MGMT: variants seen among roughly 807,000 people sequenced by gnomAD.
MGMT encodes methylated-DNA--protein-cysteine methyltransferase.
Under a neutral mutation model 15.9 loss-of-function variants are expected in MGMT, and 14 were observed. That is an observed-to-expected ratio of 0.88 (90% confidence interval 0.58 to 1.37). The LOEUF (loss-of-function observed/expected upper bound fraction) is 1.37, where lower values mean the gene tolerates loss of function less well. MGMT is among the 40% of genes most tolerant of loss of function. MGMT has a pLI of 0.00. For synonymous variants in MGMT, 130 were observed against 118.2 expected (o/e 1.10, Z -0.65); for missense variants, 282 against 268.1 (o/e 1.05, Z -0.36).
intron 3 of MGMT, among the ~76,000 whole-genome samples, chr10:129,725,730 C>T (rs570885073): frequency 7.9e-5 from 12 of 152,344 alleles, no homozygotes; most frequent in African/African-American, 2.9e-4. Flanking sequence ...CCTGTGCCCT[C>T]AAGAGGAGCA....
chr10:129,672,357 G>A (rs994989713), intron 2 of MGMT, among the ~76,000 whole-genome samples: 1 of 152,188 alleles, frequency 6.6e-6, no homozygotes, highest in Non-Finnish European at 1.5e-5. Flanking sequence ...TGAGATCACA[G>A]GGATTCCTGA....
intron 2 of MGMT, among the ~76,000 whole-genome samples, chr10:129,657,695 A>ACACG (rs1554874769): frequency 7.2e-6 from 1 of 139,140 alleles, no homozygotes; most frequent in African/African-American, 2.8e-5. Context: ...ACACACACAC[A>ACACG]CACACACACA....
At chr10:129,487,882 C>T (rs985475913) in intron 1 of MGMT, among the ~76,000 whole-genome samples, 2 of 149,314 alleles carry the variant, frequency 1.3e-5, no homozygotes, top group Admixed American at 1.3e-4. Flanking sequence ...CATTGAGAGA[C>T]TGTGTGTGTG....
intron 2 of MGMT, among the ~76,000 whole-genome samples, chr10:129,654,493 T>A (rs1044263838): frequency 2.0e-5 from 3 of 152,144 alleles, no homozygotes; most frequent in Admixed American, 2.0e-4. Flanking sequence ...ATACCCCTGC[T>A]CACTCTGAGC....
intron 2 of MGMT, among the ~76,000 whole-genome samples, chr10:129,580,052 G>A (rs1450573260): frequency 6.6e-6 from 1 of 152,192 alleles, no homozygotes; most frequent in Non-Finnish European, 1.5e-5. Flanking sequence ...AGGTGTTCCA[G>A]GCTTTGTTCG....
At chr10:129,488,381 A>G (rs1487223445) in intron 1 of MGMT, among the ~76,000 whole-genome samples, 1 of 152,176 alleles carries the variant, frequency 6.6e-6, no homozygotes. Context: ...ATGCCTGTTC[A>G]TACCCTTTCT....
At chr10:129,602,444 C>T (rs575618404) in intron 2 of MGMT, among the ~76,000 whole-genome samples, 1 of 152,286 alleles carries the variant, frequency 6.6e-6, no homozygotes, top group South Asian at 2.1e-4. Context: ...GTGTGCTCCT[C>T]TTGTGAGAGC....
At chr10:129,531,698 A>C (rs1845933729) in intron 1 of MGMT, among the ~76,000 whole-genome samples, 1 of 147,490 alleles carries the variant, frequency 6.8e-6, no homozygotes, top group Non-Finnish European at 1.5e-5. Context: ...CCGGAAAAAA[A>C]GGTAGTATGC....
At chr10:129,500,235 C>T (rs117677964) in intron 1 of MGMT, among the ~76,000 whole-genome samples, 1,824 of 152,248 alleles carry the variant, frequency 0.012, 27 homozygotes, top group Non-Finnish European at 0.019. Flanking sequence ...ATTTGGGCAC[C>T]GCCTGGTTTC....
At chr10:129,621,866 C>T (rs1298520980) in intron 2 of MGMT, among the ~76,000 whole-genome samples, 1 of 152,154 alleles carries the variant, frequency 6.6e-6, no homozygotes, top group Non-Finnish European at 1.5e-5. Flanking sequence ...AGTCATCCTG[C>T]ATGTAAGTAG....
intron 2 of MGMT, among the ~76,000 whole-genome samples, chr10:129,591,490 A>C (rs1846685062): frequency 6.6e-6 from 1 of 152,100 alleles, no homozygotes; most frequent in African/African-American, 2.4e-5. Context: ...CCTCTGTAAC[A>C]ACGCCAAGAC....
At chr10:129,489,381 A>T (rs906343103) in intron 1 of MGMT, among the ~76,000 whole-genome samples, 2 of 151,520 alleles carry the variant, frequency 1.3e-5, no homozygotes, top group African/African-American at 2.4e-5. Flanking sequence ...AAAAAAAAAA[A>T]AAAAATTGGT....
At chr10:129,514,762 C>A (rs1357268394) in intron 1 of MGMT, among the ~76,000 whole-genome samples, 1 of 152,230 alleles carries the variant, frequency 6.6e-6, no homozygotes, top group African/African-American at 2.4e-5. Context: ...TGGGGCCTCA[C>A]CAGGCACTGA....
chr10:129,596,187 G>A (rs953658333), intron 2 of MGMT, among the ~76,000 whole-genome samples: 4 of 151,686 alleles, frequency 2.6e-5, no homozygotes, highest in Admixed American at 2.6e-4. Context: ...TTCTGCATTG[G>A]GCTATCTGTA....
intron 2 of MGMT, among the ~76,000 whole-genome samples, chr10:129,580,243 G>A (rs988864892): frequency 3.9e-5 from 6 of 152,196 alleles, no homozygotes; most frequent in Non-Finnish European, 1.5e-5. Context: ...GCAGGATCAG[G>A]GGGATGCGCG....
At chr10:129,741,345 A>G (rs1339527785) in intron 3 of MGMT, among the ~76,000 whole-genome samples, 5 of 152,172 alleles carry the variant, frequency 3.3e-5, no homozygotes, top group Non-Finnish European at 5.9e-5. Context: ...ATTGAACGGC[A>G]ACACCCGGGA....
chr10:129,508,525 T>TA (rs894171455), intron 1 of MGMT, among the ~76,000 whole-genome samples: 19 of 151,490 alleles, frequency 1.3e-4, no homozygotes, highest in Non-Finnish European at 2.2e-4. Context: ...TCTTTCTTTT[T>TA]TTTTTTTTTG....
At chr10:129,512,873 A>T (rs1456637256) in intron 1 of MGMT, among the ~76,000 whole-genome samples, 1 of 151,950 alleles carries the variant, frequency 6.6e-6, no homozygotes. Context: ...TAGAATTCCC[A>T]TGTGGCCCAG....
chr10:129,638,137 C>T (rs1564744523), intron 2 of MGMT, among the ~76,000 whole-genome samples: 1 of 152,076 alleles, frequency 6.6e-6, no homozygotes, highest in East Asian at 1.9e-4. Context: ...CAAAAGGAGA[C>T]ATGTGACATG....
Sources: gnomAD v4.1 joint callset for allele counts (sites outside exome capture counted in the v4.1 genomes callset) on GRCh38, gnomAD v4.1.1 for gene constraint, MANE v1.5 for transcripts, NCBI Gene and HGNC (gene_info 2026-07-23, HGNC 2026-07-21) for gene names.